The following TANGO2 variants were observed in gnomAD, a reference collection of about 807,000 sequenced individuals.
TANGO2 encodes transport and Golgi organization protein 2 homolog.
A neutral mutation model predicts 39.1 loss-of-function variants in TANGO2; 26 were observed. The observed-to-expected ratio is 0.67, with a 90% CI of 0.49 to 0.92. The LOEUF is 0.92. Among genes scored for constraint, TANGO2 ranks in the 40% least tolerant of loss-of-function variants. The pLI, the probability that TANGO2 is intolerant of heterozygous loss-of-function variation, is 0.00. For synonymous variants in TANGO2, 131 were observed against 144.5 expected (o/e 0.91, Z 0.67); for missense variants, 326 against 360.1 (o/e 0.91, Z 0.77).
rs559164792 is a variant in TANGO2 at position 20,039,034 on chromosome 22, C to T, written c.56+2180C>T. 1.2e-3 allele frequency among the ~76,000 whole-genome samples: 186 copies of T among 151,726 alleles called. 2 individuals are homozygous for T. The highest frequency in any genetic ancestry group is 2.2e-3 in the Non-Finnish European group (149 of 67,916). ...TAGCTTACTGCAGCCTCAAACTCGC[C>T]GGCTCAAGCGATCCTCCCACTTCAG... On this transcript the variant is annotated intron_variant, in intron 2 of 8. Coordinates refer to ENST00000327374, the MANE Select transcript of TANGO2 (RefSeq NM_152906.7).
intron 1 of TANGO2, among the ~76,000 whole-genome samples, chr22:20,025,726 C>T (rs1221792507): frequency 6.6e-6 from 1 of 152,198 alleles, no homozygotes; most frequent in East Asian, 1.9e-4. Context: ...GGCTTCTTTT[C>T]CAGGTTATGG....
At chr22:20,048,364 T>G (rs2147374796) in intron 3 of TANGO2, 1 of 152,376 alleles carries the variant, frequency 6.6e-6, no homozygotes, top group East Asian at 1.9e-4. Flanking sequence ...CATGCTGAAC[T>G]ATGAGTCACA....
intron 3 of TANGO2, among the ~76,000 whole-genome samples, chr22:20,044,388 T>C (rs995404739): frequency 7.2e-5 from 11 of 151,840 alleles, no homozygotes; most frequent in African/African-American, 2.4e-4. Context: ...TAGCCAGGCG[T>C]GGTGGCATGT....
At chr22:20,033,739 G>A (rs1482763670) in intron 1 of TANGO2, among the ~76,000 whole-genome samples, 1 of 152,238 alleles carries the variant, frequency 6.6e-6, no homozygotes, top group Non-Finnish European at 1.5e-5. Flanking sequence ...TGAGTGCTGG[G>A]CCCACCCCAT....
At chr22:20,063,733 T>C in intron 8 of TANGO2, 1 of 369,390 alleles carries the variant, frequency 2.7e-6, no homozygotes, top group Non-Finnish European at 4.9e-6. Context: ...CCCGGCACCA[T>C]GGCACTAGGC....
At chr22:20,034,215 A>G (rs538269614) in intron 1 of TANGO2, among the ~76,000 whole-genome samples, 1 of 151,280 alleles carries the variant, frequency 6.6e-6, no homozygotes, top group African/African-American at 2.4e-5. Flanking sequence ...ACAAAAAAAA[A>G]CCGAGTTCCT....
chr22:20,041,837 G>A (rs1202309348), intron 2 of TANGO2, among the ~76,000 whole-genome samples: 1 of 152,192 alleles, frequency 6.6e-6, no homozygotes, highest in Non-Finnish European at 1.5e-5. Flanking sequence ...GATGTGCAAT[G>A]ATCAATATGG....
chr22:20,055,854 C>T (rs2047228923), intron 5 of TANGO2, 89 bp from the exon 6 acceptor site: 1 of 1,216,506 alleles, frequency 8.2e-7, no homozygotes, highest in South Asian at 1.2e-5. Flanking sequence ...CATCGCTAGC[C>T]TCCAGAAACA....
intron 2 of TANGO2, among the ~76,000 whole-genome samples, chr22:20,042,947 G>C (rs1011041689): frequency 1.3e-5 from 2 of 152,060 alleles, no homozygotes. Flanking sequence ...TTGAGCTCAC[G>C]CTTCCAAGAG....
Position 20,040,059 on chromosome 22 carries a change from C to G in TANGO2, c.56+3205C>G, listed in dbSNP as rs1324476746. Reference sequence around the variant, plus strand: ...ACGTGGGGCGCAGATAGGCTTCTACCCATGTGCAGCCCCACCAGTGATGAC... The same window carrying G: ...ACGTGGGGCGCAGATAGGCTTCTACGCATGTGCAGCCCCACCAGTGATGAC... On this transcript the variant is annotated intron_variant, in intron 2 of 8. Transcript: ENST00000327374. Among the ~76,000 whole-genome samples, 2 of 152,162 alleles carry G rather than the reference C, an allele frequency of 1.3e-5. 1 individual carries two copies. The highest frequency in any genetic ancestry group is 4.8e-5 in the African/African-American group (2 of 41,444).
intron 2 of TANGO2, among the ~76,000 whole-genome samples, chr22:20,037,340 AG>A (rs1325666690): frequency 5.9e-5 from 9 of 152,142 alleles, no homozygotes; most frequent in Non-Finnish European, 1.5e-5. Context: ...CAGGAAATCG[AG>A]GCCAGAAGCC....
At chr22:20,031,104 A>G (rs1161012062) in intron 1 of TANGO2, among the ~76,000 whole-genome samples, 1 of 152,102 alleles carries the variant, frequency 6.6e-6, no homozygotes, top group Non-Finnish European at 1.5e-5. Flanking sequence ...AGGCTGAGGC[A>G]GGAGAATCGC....
At position 20,065,345 on chromosome 22, in the gene TANGO2, C is replaced by CT. The variant is rs948564335; in HGVS notation, c.*697dup. 3.6e-3 allele frequency: 522 copies of CT among 144,218 alleles called. 2 individuals are homozygous for CT. Among genetic ancestry groups the CT allele is most frequent in the African/African-American group, 6.6e-3 (263 of 39,636 alleles). The allele number at this position is 144,218 out of a possible 1,614,324, so 8.9% of individuals were successfully genotyped here. ...AAGACCTGAGAAAAACCCACTCTCT[C>CT]TTTTTTTTTTTTTTGAGACGGAGTC... On this transcript the variant is annotated 3_prime_UTR_variant, in exon 9 of 9. Coordinates refer to ENST00000327374, the MANE Select transcript of TANGO2 (RefSeq NM_152906.7).
chr22:20,026,651 A>G (rs2040823012), intron 1 of TANGO2, among the ~76,000 whole-genome samples: 1 of 152,238 alleles, frequency 6.6e-6, no homozygotes, highest in Admixed American at 6.5e-5. Flanking sequence ...ACATCACACC[A>G]GCTGCACTAC....
chr22:20,023,857 CAAA>C (rs143316151), intron 1 of TANGO2, among the ~76,000 whole-genome samples: 1 of 104,360 alleles, frequency 9.6e-6, no homozygotes. Context: ...AACTCCATCT[CAAA>C]AAAAAAAAAA....
chr22:20,039,719 G>C (rs1258232315), intron 2 of TANGO2, among the ~76,000 whole-genome samples: 1 of 152,068 alleles, frequency 6.6e-6, no homozygotes. Flanking sequence ...TGCAGGACAA[G>C]CTGTTACTCC....
In TANGO2 at chr22:20,063,116, A is replaced by G. The variant is rs1361104882; in HGVS notation, c.606-222A>G. 3 of 516,138 alleles carry G rather than the reference A, an allele frequency of 5.8e-6. No individual in the cohort carries two copies. In the East Asian group the frequency reaches 9.6e-5, roughly 16 times the overall value. 32.0% of individuals were successfully genotyped at this position (516,138 alleles called of 1,614,324 possible). A position where few individuals can be genotyped will look rare whatever the true frequency, so the allele number is the denominator to read the frequency against. On this transcript the variant is annotated intron_variant, in intron 7 of 8. Coordinates refer to ENST00000327374, the MANE Select transcript of TANGO2 (RefSeq NM_152906.7). ...AGTTGCAGTGAGCCAAGATCGTACC[A>G]TTGCGCTCTAGTCTGGGCGACAAGA...
At chr22:20,020,482 C>T (rs1020373514), upstream of TANGO2, among the ~76,000 whole-genome samples, 1 of 151,636 alleles carries the variant, frequency 6.6e-6, no homozygotes, top group Admixed American at 6.6e-5. Context: ...GGGGCCTGGA[C>T]CTGGATGTGA....
intron 3 of TANGO2, among the ~76,000 whole-genome samples, chr22:20,052,033 C>G (rs2046422584): frequency 6.6e-6 from 1 of 152,128 alleles, no homozygotes; most frequent in South Asian, 2.1e-4. Context: ...GGTGAAGGTC[C>G]TGGTTGTGTG....
Sources: gnomAD v4.1 joint callset for allele counts (sites outside exome capture counted in the v4.1 genomes callset) on GRCh38, gnomAD v4.1.1 for gene constraint, MANE v1.5 for transcripts, NCBI Gene and HGNC (gene_info 2026-07-23, HGNC 2026-07-21) for gene names.